The following POLQ variants were observed in gnomAD, a reference collection of about 807,000 sequenced individuals.
The protein encoded by POLQ is DNA polymerase theta.
Under a neutral mutation model 259.2 loss-of-function variants are expected in POLQ, and 233 were observed. The ratio of observed to expected loss-of-function variants is 0.90; its 90% confidence interval spans 0.81 to 1.00. The LOEUF (loss-of-function observed/expected upper bound fraction) is 1.00. POLQ is among the 50% of genes least tolerant of loss of function. The pLI is 0.00. For synonymous variants in POLQ, 1,025 were observed against 1,048.8 expected (o/e 0.98, Z 0.44); for missense variants, 2,871 against 3,051.6 (o/e 0.94, Z 1.39).
intron 15 of POLQ, among the ~76,000 whole-genome samples, chr3:121,492,273 G>A (rs1030518499): frequency 1.3e-5 from 2 of 152,158 alleles, no homozygotes; most frequent in Non-Finnish European, 2.9e-5. Context: ...GTACCTGAAA[G>A]TAACTAAATA....
At chr3:121,535,998 A>G (rs1372087921) in intron 5 of POLQ, among the ~76,000 whole-genome samples, 2 of 152,178 alleles carry the variant, frequency 1.3e-5, no homozygotes, top group Non-Finnish European at 2.9e-5. Context: ...GACTGGCAGA[A>G]TAGCAAATGT....
chr3:121,470,955 G>GA (rs999252944), intron 22 of POLQ, among the ~76,000 whole-genome samples: 24 of 151,858 alleles, frequency 1.6e-4, no homozygotes, highest in African/African-American at 5.8e-4. Context: ...TTTTATACAT[G>GA]AAAAAAAATG....
intron 12 of POLQ, among the ~76,000 whole-genome samples, 179 bp from the exon 13 acceptor site, chr3:121,498,849 T>TA (rs1232948222): frequency 6.6e-6 from 1 of 152,156 alleles, no homozygotes. Context: ...CACAGTGAGC[T>TA]ATGACTGTGC....
chr3:121,475,032 ACT>A (rs2047914961), intron 20 of POLQ, among the ~76,000 whole-genome samples: 2 of 151,248 alleles, frequency 1.3e-5, no homozygotes, highest in African/African-American at 4.8e-5. Flanking sequence ...TTTGAAATTT[ACT>A]CTTAGTTACT....
At chr3:121,537,065 G>A in intron 5 of POLQ, 35 bp downstream of exon 5, 1 of 982,588 alleles carries the variant, frequency 1.0e-6, no homozygotes, top group Middle Eastern at 2.1e-4. Context: ...AACATTGTTT[G>A]AAATCTCAGG....
rs775415107 is a variant in POLQ at position 121,460,093 on chromosome 3, T to C, written c.7109A>G (p.Glu2370Gly). Residue 2370 changes from glutamate (E) to glycine (G), a missense_variant, in exon 25 of 30, where the codon GAG becomes GGG. Physicochemically the swap from Glu to Gly is moderately conservative, Grantham distance 98. Around this residue, in one of 3 missense-constraint regions of POLQ, gnomAD observed 2,080 missense variants for 2,126.0 expected, o/e 0.98. Transcript: ENST00000264233. ...RSIAAEWKMIEPESVGDDLRQ... is the reference protein window; with the variant it reads ...RSIAAEWKMIGPESVGDDLRQ... ...CAGATCATCCCCAACAGACTCTGGC[T>C]CAATCATCTTCCACTCTGCTGCAAT... 2.5e-6 allele frequency: 4 copies of C among 1,614,112 alleles called. No individual in the cohort carries two copies. Among genetic ancestry groups the C allele is most frequent in the South Asian group, 1.1e-5 (1 of 91,082 alleles).
At chr3:121,465,429 T>C (rs1471992236) in intron 24 of POLQ, among the ~76,000 whole-genome samples, 1 of 152,160 alleles carries the variant, frequency 6.6e-6, no homozygotes, top group African/African-American at 2.4e-5. Context: ...AACTTGGGCG[T>C]GTGATCTACT....
At chr3:121,467,448 T>C in intron 24 of POLQ, 71 bp downstream of exon 24, 1 of 1,489,524 alleles carries the variant, frequency 6.7e-7, no homozygotes, top group Non-Finnish European at 9.3e-7. Context: ...CACTCATATT[T>C]CAGGCTTTAT....
chr3:121,484,419 C>T (rs370159838), intron 17 of POLQ, among the ~76,000 whole-genome samples: 4 of 152,174 alleles, frequency 2.6e-5, no homozygotes, highest in Non-Finnish European at 2.9e-5. Flanking sequence ...AAACTGCCAT[C>T]GTTTAGTCTT....
chr3:121,465,197 T>C (rs2047825604), intron 24 of POLQ, among the ~76,000 whole-genome samples: 1 of 151,726 alleles, frequency 6.6e-6, no homozygotes, highest in Admixed American at 6.6e-5. Context: ...AGTGACATGA[T>C]ATTCCCACCA....
chr3:121,443,046 T>C (rs2047606727), intron 26 of POLQ, among the ~76,000 whole-genome samples: 1 of 152,216 alleles, frequency 6.6e-6, no homozygotes, highest in African/African-American at 2.4e-5. Context: ...TTAGTAGAGA[T>C]GGGGTTTCAC....
intron 9 of POLQ, among the ~76,000 whole-genome samples, chr3:121,514,285 G>A (rs968299912): frequency 1.4e-5 from 2 of 145,954 alleles, no homozygotes; most frequent in African/African-American, 5.1e-5. Flanking sequence ...CCAAGATTGC[G>A]CCATCGCACT....
At chr3:121,463,786 C>T (rs909857962) in intron 24 of POLQ, among the ~76,000 whole-genome samples, 3 of 152,136 alleles carry the variant, frequency 2.0e-5, no homozygotes, top group African/African-American at 7.2e-5. Flanking sequence ...GATTTTTAAA[C>T]AGGAGAATGA....
chr3:121,474,439 G>A (rs1209383529), intron 20 of POLQ, among the ~76,000 whole-genome samples: 2 of 152,210 alleles, frequency 1.3e-5, no homozygotes, highest in African/African-American at 4.8e-5. Flanking sequence ...GAGAGGGGAT[G>A]AAACTAGGGC....
intron 17 of POLQ, among the ~76,000 whole-genome samples, chr3:121,483,942 T>TA (rs1483321519): frequency 5.9e-5 from 9 of 152,136 alleles, no homozygotes; most frequent in South Asian, 2.1e-4. Flanking sequence ...TATGAACACA[T>TA]ACTATTCTAT....
At chr3:121,462,049 A>G (rs554757884) in intron 24 of POLQ, among the ~76,000 whole-genome samples, 6 of 152,364 alleles carry the variant, frequency 3.9e-5, no homozygotes, top group East Asian at 3.9e-4. Flanking sequence ...CGAGATGCTC[A>G]AACGTCACGC....
intron 19 of POLQ, among the ~76,000 whole-genome samples, chr3:121,481,024 A>C (rs2047965991): frequency 6.6e-6 from 1 of 152,226 alleles, no homozygotes; most frequent in East Asian, 1.9e-4. Context: ...GCAGATAACA[A>C]TGACAATAAA....
At chr3:121,494,963 C>CAA (rs35833957) in intron 14 of POLQ, 6,556 of 535,998 alleles carry the variant, frequency 0.012, 1 homozygote, top group Middle Eastern at 0.022. Flanking sequence ...TACAAATTTT[C>CAA]AAAAAAAAAA....
intron 12 of POLQ, among the ~76,000 whole-genome samples, chr3:121,500,857 A>G (rs1022012932): frequency 2.6e-5 from 4 of 152,242 alleles, no homozygotes; most frequent in African/African-American, 9.6e-5. Flanking sequence ...TGATAAGGTT[A>G]AGAGCTAACT....
Sources: allele counts gnomAD v4.1 joint callset (sites outside exome capture counted in the v4.1 genomes callset), GRCh38; gene constraint gnomAD v4.1.1; regional missense constraint gnomAD v4.1.1; transcripts MANE v1.5; gene names NCBI Gene and HGNC (gene_info 2026-07-23, HGNC 2026-07-21).